Variants in LEO1 observed in about 807,000 individuals in gnomAD.
The protein encoded by LEO1 is LEO1 component of Paf1/RNA polymerase II complex.
A neutral mutation model predicts 80.4 loss-of-function variants in LEO1; 34 were observed. That is an observed-to-expected ratio of 0.42 (90% CI 0.32 to 0.56). The LOEUF (loss-of-function observed/expected upper bound fraction) is 0.56. Ranked by LOEUF, LEO1 falls within the 20% of genes least tolerant of loss-of-function variation. The pLI is 0.10. For missense variants in LEO1, 631 were observed against 814.2 expected (o/e 0.77, Z 2.74); for synonymous variants, 262 against 274.9 (o/e 0.95, Z 0.46).
rs1239186594 is a variant in LEO1 at position 51,962,178 on chromosome 15, A to C, written c.919+211T>G. On this transcript the variant is annotated intron_variant, in intron 3 of 11. Coordinates refer to ENST00000299601, the MANE Select transcript of LEO1 (RefSeq NM_138792.4). ...ACTCTGTCTCTTAAAAAAAAAAAAA[A>C]AAACTACAAAGAGGCAGGTTCTTCT... Among the ~76,000 whole-genome samples the C allele has an allele frequency of 6.6e-5, 10 of 151,926 alleles. No individual in the cohort carries two copies. The East Asian group carries it at 1.9e-3, about 29-fold the overall frequency.
chr15:51,963,536 C>G (rs2057048715), intron 2 of LEO1, among the ~76,000 whole-genome samples: 1 of 152,136 alleles, frequency 6.6e-6, no homozygotes, highest in Admixed American at 6.6e-5. Flanking sequence ...TGACCCTGCC[C>G]TTGACTTGGT....
At chr15:51,961,323 C>T (rs918119082) in intron 3 of LEO1, among the ~76,000 whole-genome samples, 8 of 150,268 alleles carry the variant, frequency 5.3e-5, no homozygotes, top group Non-Finnish European at 1.2e-4. Flanking sequence ...GGCGGTAGAA[C>T]TCCTTTCATC....
At chr15:51,955,063 A>C (rs2141761979) in intron 6 of LEO1, 1 of 150,860 alleles carries the variant, frequency 6.6e-6, no homozygotes, top group South Asian at 2.1e-4. Flanking sequence ...CCGCCTTCTC[A>C]GTAGCTGGGA....
chr15:51,945,961 G>A (rs62016236), intron 11 of LEO1, among the ~76,000 whole-genome samples: 1 of 151,802 alleles, frequency 6.6e-6, no homozygotes, highest in Admixed American at 6.6e-5. Context: ...ATGAACCCAG[G>A]AGGCAGAGCT....
At chr15:51,947,472 G>A (rs2056912086) in intron 10 of LEO1, 83 bp from the exon 11 acceptor site, 1 of 925,354 alleles carries the variant, frequency 1.1e-6, no homozygotes, top group Non-Finnish European at 1.7e-6. Context: ...CTGGAGTGCA[G>A]TGGCACAATC....
intron 6 of LEO1, among the ~76,000 whole-genome samples, chr15:51,955,577 T>C (rs2056982800): frequency 1.3e-5 from 2 of 152,040 alleles, no homozygotes; most frequent in South Asian, 2.1e-4. Flanking sequence ...AAAATGACAA[T>C]GAAGAGTAAA....
At position 51,971,699 on chromosome 15, in the gene LEO1, G is replaced by C; in HGVS notation, c.47C>G (p.Ala16Gly). The change falls in exon 1 of 12, where the codon GCT becomes GGT. Residue 16 changes from alanine (A) to glycine (G), a missense_variant. Coordinates refer to ENST00000299601, the MANE Select transcript of LEO1 (RefSeq NM_138792.4). ...DLFGSDADSE[A>G]ERKDSDSGSD... ...ACCAGCGAACCCACCTTTACGCTCAGCTTCGCTGTCGGCGTCGCTCCCGAA... is the reference window on the plus strand; with the variant it reads ...ACCAGCGAACCCACCTTTACGCTCACCTTCGCTGTCGGCGTCGCTCCCGAA... 1 of 1,614,180 alleles carries C rather than the reference G, an allele frequency of 6.2e-7. No individual in the cohort carries two copies. The highest frequency in any genetic ancestry group is 8.5e-7 in the Non-Finnish European group (1 of 1,180,036).
intron 1 of LEO1, among the ~76,000 whole-genome samples, chr15:51,969,013 G>T (rs914402869): frequency 6.6e-6 from 1 of 152,082 alleles, no homozygotes; most frequent in Non-Finnish European, 1.5e-5. Context: ...CTATCCTTCA[G>T]GCTGGAGTAC....
In LEO1 at chr15:51,960,722, T is replaced by C; in HGVS notation, c.931A>G (p.Thr311Ala). The C allele has an allele frequency of 6.3e-7, 1 of 1,575,800 alleles. No individual in the cohort carries two copies. The highest frequency in any genetic ancestry group is 1.1e-5 in the South Asian group (1 of 90,288). The change falls in exon 4 of 12, where the codon ACC becomes GCC. Residue 311 changes from threonine (T) to alanine (A), a missense_variant. Coordinates refer to ENST00000299601, the MANE Select transcript of LEO1 (RefSeq NM_138792.4). ...DTEVPKDNSGTMDLFGGADDI... is the reference protein window; with the variant it reads ...DTEVPKDNSGAMDLFGGADDI... ...TCTGCACCTCCAAATAAATCCATGG[T>C]TCCACTATTATCTTCAATGCAGAAG...
intron 11 of LEO1, among the ~76,000 whole-genome samples, chr15:51,944,724 G>C (rs2056884613): frequency 6.6e-6 from 1 of 151,534 alleles, no homozygotes. Context: ...TTTTGAAATA[G>C]TAATGATATC....
chr15:51,953,091 TA>T, intron 8 of LEO1, 37 bp downstream of exon 8: 1 of 1,565,672 alleles, frequency 6.4e-7, no homozygotes, highest in South Asian at 1.1e-5. Flanking sequence ...TCACTGCTTT[TA>T]CCATAAGAAA....
At chr15:51,954,158 C>T (rs1478207121) in intron 7 of LEO1, among the ~76,000 whole-genome samples, 5 of 151,074 alleles carry the variant, frequency 3.3e-5, no homozygotes, top group African/African-American at 1.2e-4. Context: ...CTCCTGACCT[C>T]GTGATCCACC....
At chr15:51,946,768 C>T (rs920261685) in intron 11 of LEO1, among the ~76,000 whole-genome samples, 2 of 152,056 alleles carry the variant, frequency 1.3e-5, no homozygotes, top group African/African-American at 4.8e-5. Flanking sequence ...TCTCAAACTC[C>T]TGAGCTCAAG....
At chr15:51,947,090 G>T (rs1305867702) in intron 11 of LEO1, 30 of 553,698 alleles carry the variant, frequency 5.4e-5, no homozygotes, top group Non-Finnish European at 9.3e-5. Flanking sequence ...TATCCTCCAT[G>T]CAGCCTTCTA....
Position 51,966,285 on chromosome 15 carries a change from C to T in LEO1, c.278G>A (p.Arg93His), listed in dbSNP as rs748039647. The part of the protein sequence containing the change: ...RSDNRSEASE[R>H]SDHEDNDPSD... ...GGGGTCATTGTCCTCATGGTCAGAA[C>T]GCTCAGAAGCTTCTGATCTATTGTC... Residue 93 changes from arginine to histidine, a missense_variant, in exon 2 of 12, where the codon CGT (arginine) becomes CAT (histidine). Physicochemically the swap from Arg to His is conservative, Grantham distance 29. Coordinates refer to ENST00000299601, the MANE Select transcript of LEO1 (RefSeq NM_138792.4). The T allele has an allele frequency of 7.1e-5, 115 of 1,613,914 alleles. 1 individual carries two copies. The highest frequency in any genetic ancestry group is 3.3e-4 in the South Asian group (30 of 91,082).
In LEO1 at chr15:51,954,838, T is replaced by C. The variant is rs879287056; in HGVS notation, c.1246-263A>G. On this transcript the variant is annotated intron_variant, in intron 6 of 11. Transcript: ENST00000299601. ...AGAAAGCTTAGAGCATTTGAGCAGA[T>C]GGCAGATACTAAATGTACACTAACC... The C allele has an allele frequency of 1.0e-4, 41 of 392,540 alleles. No homozygotes were observed. The Admixed American group carries it at 1.3e-3, about 13-fold the overall frequency. The allele number at this position is 392,540 out of a possible 1,614,324, so 24.3% of individuals were successfully genotyped here. A position where few individuals can be genotyped will look rare whatever the true frequency, so the allele number is the denominator to read the frequency against.
chr15:51,965,611 C>A (rs1186479377), intron 2 of LEO1, 138 bp downstream of exon 2: 2 of 1,167,664 alleles, frequency 1.7e-6, no homozygotes, highest in South Asian at 1.7e-5. Context: ...AAAATGTATT[C>A]TAGAGTTAGA....
chr15:51,963,691 C>T (rs1188349802), intron 2 of LEO1, among the ~76,000 whole-genome samples: 1 of 151,034 alleles, frequency 6.6e-6, no homozygotes, highest in Non-Finnish European at 1.5e-5. Flanking sequence ...CACCTGAGAT[C>T]AGGAGTTCGA....
chr15:51,952,936 G>A (rs1366661811), intron 8 of LEO1, among the ~76,000 whole-genome samples, 193 bp downstream of exon 8: 1 of 152,180 alleles, frequency 6.6e-6, no homozygotes, highest in Non-Finnish European at 1.5e-5. Flanking sequence ...AGCATGACCT[G>A]GTTCCCTAAG....
Sources: allele counts gnomAD v4.1 joint callset (sites outside exome capture counted in the v4.1 genomes callset), GRCh38; gene constraint gnomAD v4.1.1; transcripts MANE v1.5; gene names NCBI Gene and HGNC (gene_info 2026-07-23, HGNC 2026-07-21).